The following TRAK1 variants were observed in gnomAD, a reference collection of about 807,000 sequenced individuals.
The protein encoded by TRAK1 is trafficking kinesin protein 1, also known as trafficking kinesin-binding protein 1.
In TRAK1, 33 loss-of-function variants were observed where a neutral mutation model predicts 92.1. The ratio of observed to expected loss-of-function variants is 0.36; its 90% CI spans 0.27 to 0.48. The LOEUF is 0.48. Among genes scored for constraint, TRAK1 ranks in the 20% least tolerant of loss-of-function variants. The probability of loss-of-function intolerance (pLI) is 0.99; values close to 1 mark genes in which losing one functional copy is unlikely to be tolerated. For synonymous variants in TRAK1, 521 were observed against 517.3 expected (o/e 1.01, Z -0.10); for missense variants, 1,123 against 1,257.9 (o/e 0.89, Z 1.62).
At position 42,225,198 on chromosome 3, in the gene TRAK1, C is replaced by G. The variant is rs1338941787; in HGVS notation, c.*1461C>G. 1 of 152,204 alleles carries G rather than the reference C, an allele frequency of 6.6e-6. No homozygotes were observed. Among genetic ancestry groups the G allele is most frequent in the Non-Finnish European group, 1.5e-5 (1 of 68,052 alleles). 9.4% of individuals were successfully genotyped at this position (152,204 alleles called of 1,614,324 possible). A position where few individuals can be genotyped will look rare whatever the true frequency, so the allele number is the denominator to read the frequency against. On this transcript the variant is annotated 3_prime_UTR_variant, in exon 16 of 16. Transcript: ENST00000327628. ...TATTTATTCTAATTTGAGGGCTGCA[C>G]TGTACACCATGGTGTCCTGTGACAC...
intron 14 of TRAK1, among the ~76,000 whole-genome samples, chr3:42,215,855 A>G (rs979551420): frequency 6.6e-6 from 1 of 152,120 alleles, no homozygotes; most frequent in Non-Finnish European, 1.5e-5. Context: ...ATCTGGGTGT[A>G]TATTGCACCC....
At chr3:42,195,019 C>T in intron 10 of TRAK1, 78 bp downstream of exon 10, 1 of 1,553,660 alleles carries the variant, frequency 6.4e-7, no homozygotes, top group Non-Finnish European at 8.7e-7. Context: ...ATTCTGGCCA[C>T]TGGAGTTGGG....
At chr3:42,132,928 C>T (rs984935127) in intron 2 of TRAK1, among the ~76,000 whole-genome samples, 4 of 152,182 alleles carry the variant, frequency 2.6e-5, no homozygotes, top group African/African-American at 7.2e-5. Flanking sequence ...ATAAATACAA[C>T]GTGGTTTACC....
chr3:42,203,475 C>G, intron 13 of TRAK1: 3 of 978,614 alleles, frequency 3.1e-6, no homozygotes, highest in Non-Finnish European at 3.6e-6. Flanking sequence ...TTCCCTCTCT[C>G]CCTCTTGCCC....
At chr3:42,087,608 G>A (rs1704742315), upstream of TRAK1, among the ~76,000 whole-genome samples, 1 of 152,236 alleles carries the variant, frequency 6.6e-6, no homozygotes, top group South Asian at 2.1e-4. Context: ...TGTGTCAGTT[G>A]TTGACCTACT....
intron 1 of TRAK1, among the ~76,000 whole-genome samples, chr3:42,042,520 C>CTG: frequency 6.6e-6 from 1 of 151,948 alleles, no homozygotes; most frequent in Non-Finnish European, 1.5e-5. Flanking sequence ...TACAGGCATG[C>CTG]ACCACCATAC....
intron 1 of TRAK1, among the ~76,000 whole-genome samples, chr3:42,113,411 C>G (rs111890914): frequency 0.054 from 5,181 of 95,634 alleles, 134 homozygotes; most frequent in Non-Finnish European, 0.075. Context: ...TACCCCTACC[C>G]CTACCCCTAC....
At chr3:42,095,013 T>G (rs1293757716) in intron 1 of TRAK1, among the ~76,000 whole-genome samples, 1 of 152,230 alleles carries the variant, frequency 6.6e-6, no homozygotes, top group Non-Finnish European at 1.5e-5. Flanking sequence ...AGGAGGCATC[T>G]GTTTTACTCA....
chr3:42,025,465 T>C (rs1201331652), intron 1 of TRAK1, among the ~76,000 whole-genome samples: 1 of 152,232 alleles, frequency 6.6e-6, no homozygotes, highest in African/African-American at 2.4e-5. Flanking sequence ...ACTCTTTCAA[T>C]GTCCATAAGA....
At chr3:42,201,271 C>T (rs748108794) in intron 12 of TRAK1, among the ~76,000 whole-genome samples, 6 of 152,154 alleles carry the variant, frequency 3.9e-5, no homozygotes, top group Non-Finnish European at 8.8e-5. Flanking sequence ...CCAGCCTGGG[C>T]AACATTGCAA....
upstream of TRAK1, chr3:42,091,334 G>A (rs1336984341): frequency 6.8e-6 from 5 of 734,438 alleles, no homozygotes; most frequent in Non-Finnish European, 1.1e-5. Flanking sequence ...ACAATCTTAG[G>A]ATTTGCCCTA....
At chr3:42,048,127 G>T (rs1576176200) in intron 1 of TRAK1, among the ~76,000 whole-genome samples, 1 of 151,858 alleles carries the variant, frequency 6.6e-6, no homozygotes, top group Non-Finnish European at 1.5e-5. Flanking sequence ...ATAAAATTTT[G>T]CCTGTTCTTA....
rs370431191 is a variant in TRAK1, at chr3:42,176,795, T to C, written c.287-19T>C. On this transcript the variant is annotated intron_variant, in intron 2 of 15. Coordinates refer to ENST00000327628, the MANE Select transcript of TRAK1 (RefSeq NM_001042646.3). ...GTTTGTGACATTGGGAGTCTCATTGTCATTTTTATTTCTTACAGTTTTATG... is the reference window on the plus strand; with the variant it reads ...GTTTGTGACATTGGGAGTCTCATTGCCATTTTTATTTCTTACAGTTTTATG... 1.9e-5 allele frequency: 31 copies of C among 1,611,018 alleles called. No homozygotes were observed. Among genetic ancestry groups the C allele is most frequent in the Non-Finnish European group, 8.5e-7 (1 of 1,177,544 alleles).
chr3:42,191,406 T>C (rs1705712641), intron 6 of TRAK1, 152 bp from the exon 7 acceptor site: 1 of 590,118 alleles, frequency 1.7e-6, no homozygotes, highest in Admixed American at 3.3e-5. Context: ...CAGATGGACT[T>C]TCTGTATTTG....
chr3:42,103,716 G>T (rs1329196047), intron 1 of TRAK1, among the ~76,000 whole-genome samples: 1 of 152,154 alleles, frequency 6.6e-6, no homozygotes, highest in Non-Finnish European at 1.5e-5. Flanking sequence ...AGGAGGAGTG[G>T]TTCCAACATG....
intron 1 of TRAK1, among the ~76,000 whole-genome samples, chr3:42,113,330 ACT>A (rs911600699): frequency 3.3e-5 from 5 of 151,406 alleles, no homozygotes; most frequent in African/African-American, 1.2e-4. Flanking sequence ...TCTACTCTCT[ACT>A]CTCTACTCTA....
At chr3:42,023,552 C>T (rs2148883030) in intron 1 of TRAK1, among the ~76,000 whole-genome samples, 1 of 151,740 alleles carries the variant, frequency 6.6e-6, no homozygotes, top group Middle Eastern at 3.4e-3. Flanking sequence ...TGGGGGTTAG[C>T]GAGTGATAGT....
At chr3:42,055,722 C>T (rs774923243) in intron 1 of TRAK1, among the ~76,000 whole-genome samples, 17 of 152,274 alleles carry the variant, frequency 1.1e-4, no homozygotes, top group Non-Finnish European at 2.1e-4. Flanking sequence ...CCTCGCCTGC[C>T]AAAGTGCTGA....
chr3:42,059,236 G>A (rs1270092715), intron 1 of TRAK1, among the ~76,000 whole-genome samples: 1 of 151,806 alleles, frequency 6.6e-6, no homozygotes, highest in African/African-American at 2.4e-5. Flanking sequence ...TGGGACTATA[G>A]GCATGCACCA....
Sources: allele counts gnomAD v4.1 joint callset (sites outside exome capture counted in the v4.1 genomes callset), GRCh38; gene constraint gnomAD v4.1.1; transcripts MANE v1.5; gene names NCBI Gene and HGNC (gene_info 2026-07-23, HGNC 2026-07-21).